ALDH1L1: variants seen among roughly 807,000 people sequenced by gnomAD.
ALDH1L1 encodes the protein aldehyde dehydrogenase 1 family member L1, also known as cytosolic 10-formyltetrahydrofolate dehydrogenase.
Under a neutral mutation model 101.1 loss-of-function variants are expected in ALDH1L1, and 68 were observed. The observed-to-expected ratio is 0.67, with a 90% confidence interval of 0.55 to 0.82. The LOEUF (loss-of-function observed/expected upper bound fraction) is 0.82, where lower values mean the gene tolerates loss of function less well. Among genes scored for constraint, ALDH1L1 ranks in the 40% least tolerant of loss-of-function variants. The probability of loss-of-function intolerance (pLI) is 0.00; values close to 1 mark genes in which losing one functional copy is unlikely to be tolerated. For synonymous variants in ALDH1L1, 486 were observed against 470.8 expected (o/e 1.03, Z -0.42); for missense variants, 1,087 against 1,172.7 (o/e 0.93, Z 1.07).
At chr3:126,150,589 C>A in intron 7 of ALDH1L1, 58 bp from the exon 8 acceptor site, 1 of 1,508,438 alleles carries the variant, frequency 6.6e-7, no homozygotes, top group Non-Finnish European at 8.9e-7. Flanking sequence ...GAGTCTTGCT[C>A]TGTTGCCCAG....
chr3:126,133,166 C>T (rs932257549), intron 12 of ALDH1L1, among the ~76,000 whole-genome samples: 3 of 152,212 alleles, frequency 2.0e-5, no homozygotes, highest in East Asian at 1.9e-4. Flanking sequence ...CAAACAGGTA[C>T]GTTTTTAGCC....
chr3:126,108,486 C>T (rs1196758441), intron 20 of ALDH1L1, among the ~76,000 whole-genome samples: 1 of 152,250 alleles, frequency 6.6e-6, no homozygotes, highest in African/African-American at 2.4e-5. Flanking sequence ...CTGAACCCGG[C>T]CATCCTTGCA....
At chr3:126,167,493 A>C (rs1172771011) in intron 1 of ALDH1L1, among the ~76,000 whole-genome samples, 1 of 152,174 alleles carries the variant, frequency 6.6e-6, no homozygotes, top group Non-Finnish European at 1.5e-5. Context: ...GCTAAGTAAG[A>C]ATACTATCTC....
At chr3:126,105,502 C>T (rs1044291761) in intron 22 of ALDH1L1, 11 of 590,864 alleles carry the variant, frequency 1.9e-5, no homozygotes, top group African/African-American at 7.3e-5. Flanking sequence ...GGAGTGTCTC[C>T]TCCAGGCCCC....
chr3:126,116,122 CCAGCTGGCCT>C (rs992511174), intron 17 of ALDH1L1, among the ~76,000 whole-genome samples: 53 of 151,654 alleles, frequency 3.5e-4, no homozygotes, highest in African/African-American at 1.2e-3. Flanking sequence ...CCTCAAGTGA[CCAGCTGGCCT>C]CAGTCTCCCC....
intron 9 of ALDH1L1, among the ~76,000 whole-genome samples, chr3:126,138,810 G>C (rs1167038825): frequency 6.6e-6 from 1 of 152,238 alleles, no homozygotes; most frequent in Non-Finnish European, 1.5e-5. Flanking sequence ...CTAGACAGCA[G>C]ATGGCAGAAC....
At chr3:126,196,069 A>G (rs2081580377) in intron 1 of ALDH1L1, among the ~76,000 whole-genome samples, 1 of 152,152 alleles carries the variant, frequency 6.6e-6, no homozygotes. Flanking sequence ...TATGTAACAA[A>G]CCTGCACATT....
At chr3:126,164,354 A>G (rs1051680320) in intron 1 of ALDH1L1, among the ~76,000 whole-genome samples, 1 of 152,214 alleles carries the variant, frequency 6.6e-6, no homozygotes, top group African/African-American at 2.4e-5. Context: ...CACAGTACCC[A>G]ACGGAGTTTT....
rs1576466457 is a variant in ALDH1L1, at chr3:126,154,754, T to C, written c.631-111A>G. 6 of 952,198 alleles carry C rather than the reference T, an allele frequency of 6.3e-6. No individual in the cohort carries two copies. In the East Asian group the frequency reaches 1.5e-4, roughly 24 times the overall value. 59.0% of individuals were successfully genotyped at this position (952,198 alleles called of 1,614,324 possible). A position where few individuals can be genotyped will look rare whatever the true frequency, so the allele number is the denominator to read the frequency against. ...TTGTGAGACAGCTGGTAACCCCAGC[T>C]TCCTCTTAGACACTTGCAGGAGTCC... On this transcript the variant is annotated intron_variant, in intron 5 of 22. Transcript: ENST00000393434.
intron 6 of ALDH1L1, among the ~76,000 whole-genome samples, chr3:126,153,993 G>C (rs1189058039): frequency 6.6e-6 from 1 of 152,240 alleles, no homozygotes; most frequent in Admixed American, 6.5e-5. Flanking sequence ...GAGGACAGCA[G>C]AGAGGCTTCT....
intron 21 of ALDH1L1, among the ~76,000 whole-genome samples, chr3:126,106,674 C>T (rs1945884305): frequency 6.6e-6 from 1 of 152,206 alleles, no homozygotes; most frequent in African/African-American, 2.4e-5. Flanking sequence ...GAGGAAGCCT[C>T]CCGCAAGACC....
intron 8 of ALDH1L1, among the ~76,000 whole-genome samples, chr3:126,149,216 G>T (rs1431232001): frequency 1.3e-5 from 2 of 152,236 alleles, no homozygotes; most frequent in Non-Finnish European, 2.9e-5. Context: ...CTCATGAGAT[G>T]CTTAGACGTA....
intron 2 of ALDH1L1, chr3:126,159,639 G>A (rs2080999217): frequency 2.4e-6 from 1 of 417,564 alleles, no homozygotes; most frequent in East Asian, 7.0e-5. Flanking sequence ...GTCCCACAGT[G>A]ACCAATGAAA....
chr3:126,191,543 A>G (rs901714282), intron 1 of ALDH1L1, among the ~76,000 whole-genome samples: 14 of 152,310 alleles, frequency 9.2e-5, no homozygotes, highest in Middle Eastern at 3.4e-3. Context: ...CTGCCCTCCC[A>G]TGGTGCAGGT....
intron 1 of ALDH1L1, 54 bp from the exon 2 acceptor site, chr3:126,161,056 C>T (rs2081039112): frequency 3.2e-6 from 5 of 1,584,552 alleles, no homozygotes; most frequent in Admixed American, 1.7e-5. Flanking sequence ...TCAGAGAAGC[C>T]AGCCCTGGTT....
chr3:126,150,575 GAC>G, intron 7 of ALDH1L1, 44 bp from the exon 8 acceptor site: 1 of 1,528,936 alleles, frequency 6.5e-7, no homozygotes, highest in South Asian at 1.2e-5. Context: ...CTTTTTTTGA[GAC>G]AGAGTCTTGC....
At chr3:126,144,426 T>C (rs2886060) in intron 9 of ALDH1L1, among the ~76,000 whole-genome samples, 91,376 of 152,064 alleles carry the variant, frequency 0.6, 27,717 homozygotes, top group Middle Eastern at 0.7. Context: ...AGAACAAAGT[T>C]AGAGGACTCA....
intron 1 of ALDH1L1, among the ~76,000 whole-genome samples, chr3:126,161,709 G>C (rs6438980): frequency 0.65 from 98,019 of 151,596 alleles, 31,731 homozygotes; most frequent in Admixed American, 0.67. Context: ...GTCCTTTTAC[G>C]AAAATAAGAT....
chr3:126,123,083 A>G (rs1274836146), intron 16 of ALDH1L1, among the ~76,000 whole-genome samples: 1 of 152,196 alleles, frequency 6.6e-6, no homozygotes, highest in Non-Finnish European at 1.5e-5. Context: ...GAATGGGTTG[A>G]AAGTAAAAAA....
Sources: gnomAD v4.1 joint callset for allele counts (sites outside exome capture counted in the v4.1 genomes callset) on GRCh38, gnomAD v4.1.1 for gene constraint, MANE v1.5 for transcripts, NCBI Gene and HGNC (gene_info 2026-07-23, HGNC 2026-07-21) for gene names.